RNF19B: variants seen among roughly 807,000 people sequenced by gnomAD.
RNF19B encodes E3 ubiquitin-protein ligase RNF19B.
Under a neutral mutation model 65.5 loss-of-function variants are expected in RNF19B, and 23 were observed. The ratio of observed to expected loss-of-function variants is 0.35; its 90% confidence interval spans 0.25 to 0.50. RNF19B has a LOEUF of 0.50. Ranked by LOEUF, RNF19B falls within the 20% of genes least tolerant of loss-of-function variation. The pLI, the probability that RNF19B is intolerant of heterozygous loss-of-function variation, is 0.98. For missense variants in RNF19B, 794 were observed against 980.0 expected, an observed-to-expected ratio of 0.81 and a Z score of 2.53; for synonymous variants, 372 against 379.6, an observed-to-expected ratio of 0.98 and a Z score of 0.23.
chr1:32,929,756 C>T, the RNF19B span, among the ~76,000 whole-genome samples: 4 of 152,134 alleles, frequency 2.6e-5, no homozygotes, highest in African/African-American at 9.7e-5. Context: ...TTTGCCAGAC[C>T]TGAAGATTTG....
At chr1:32,955,909 A>G (rs537507524) in intron 1 of RNF19B, among the ~76,000 whole-genome samples, 2 of 152,190 alleles carry the variant, frequency 1.3e-5, no homozygotes, top group Admixed American at 1.3e-4. Context: ...AGCTAAAAGA[A>G]AGGTGTAGAA....
Position 32,964,242 on chromosome 1 carries a change from G to A in RNF19B, c.444C>T (p.His148=). 1.3e-6 allele frequency: 2 copies of A among 1,545,638 alleles called. No individual in the cohort carries two copies. The highest frequency in any genetic ancestry group is 1.7e-6 in the Non-Finnish European group (2 of 1,145,398). ...PHRSCRDCLR[H]YLRLEISESR... ...TCTCGCTTATCTCCAGGCGCAGGTAGTGGCGGAGGCAGTCCCGGCACGAGC... is the reference window on the plus strand; with the variant it reads ...TCTCGCTTATCTCCAGGCGCAGGTAATGGCGGAGGCAGTCCCGGCACGAGC... The change falls in exon 1 of 9, where the codon CAC becomes CAT. Residue 148 remains histidine (H), a synonymous_variant. Transcript: ENST00000235150. The surrounding 1 kb of genome is among the most constrained non-coding windows in gnomAD (Gnocchi z 6.5).
At chr1:32,956,379 A>T (rs1642639097) in intron 1 of RNF19B, among the ~76,000 whole-genome samples, 1 of 151,432 alleles carries the variant, frequency 6.6e-6, no homozygotes, top group Non-Finnish European at 1.5e-5. Flanking sequence ...TCTCTCTTCA[A>T]ATAACAACAA....
chr1:32,933,285 C>T (rs1012117736), downstream of RNF19B, among the ~76,000 whole-genome samples: 7 of 151,122 alleles, frequency 4.6e-5, no homozygotes, highest in African/African-American at 1.7e-4. Context: ...GACGGAGTCT[C>T]GCTCTGTTGC....
Position 32,936,763 on chromosome 1 carries a change from C to T in RNF19B, c.*43G>A. On this transcript the variant is annotated 3_prime_UTR_variant, in exon 9 of 9. Transcript: ENST00000235150. ...AAAAAAAAAAAAATTCCAAAAGATG[C>T]AGTTACAAGTGTGCTTCTCAGAACA... The T allele has an allele frequency of 2.1e-6, 3 of 1,418,722 alleles. No homozygotes were observed. Among genetic ancestry groups the T allele is most frequent in the Non-Finnish European group, 2.8e-6 (3 of 1,075,272 alleles). 87.9% of individuals were successfully genotyped at this position (1,418,722 alleles called of 1,614,324 possible). A position where few individuals can be genotyped will look rare whatever the true frequency, so the allele number is the denominator to read the frequency against.
At chr1:32,929,390 G>A in the RNF19B span, among the ~76,000 whole-genome samples, 1 of 152,074 alleles carries the variant, frequency 6.6e-6, no homozygotes, top group Non-Finnish European at 1.5e-5. Flanking sequence ...AGGTACTAGG[G>A]GCTAGGACTT....
chr1:32,945,845 A>G (rs1367605796), intron 4 of RNF19B, among the ~76,000 whole-genome samples: 1 of 152,158 alleles, frequency 6.6e-6, no homozygotes, highest in East Asian at 1.9e-4. Flanking sequence ...AAATAACTCC[A>G]GCAGAATGAA....
Position 32,961,369 on chromosome 1 carries a change from G to A in RNF19B, c.635+2682C>T, listed in dbSNP as rs772223455. Among the ~76,000 whole-genome samples the A allele has an allele frequency of 9.9e-5, 15 of 152,162 alleles. 1 individual carries two copies. The highest frequency in any genetic ancestry group is 1.9e-4 in the Non-Finnish European group (13 of 68,034). On this transcript the variant is annotated intron_variant, in intron 1 of 8. Transcript: ENST00000235150. ...GACAAGCAAATGCTTTTTAAAACAG[G>A]GGCTGAATGGAAGGAATATTGGCAT...
At chr1:32,954,165 G>A (rs1319963520) in intron 1 of RNF19B, among the ~76,000 whole-genome samples, 2 of 150,926 alleles carry the variant, frequency 1.3e-5, no homozygotes, top group Non-Finnish European at 3.0e-5. Context: ...TCCTGCCTCA[G>A]CCTCCCAAAG....
downstream of RNF19B, among the ~76,000 whole-genome samples, chr1:32,932,332 T>C (rs1642037538): frequency 6.6e-6 from 1 of 152,186 alleles, no homozygotes; most frequent in African/African-American, 2.4e-5. Context: ...CTGATGGCTA[T>C]TAGAATGCAG....
chr1:32,944,134 T>G lies in RNF19B; in HGVS notation c.1287A>C (p.Ala429=), dbSNP rs749760828. ...SVGIGVPIML[A]YVYGVVPISL... Reference sequence around the variant, plus strand: ...AAATGGGCACAACCCCATAAACATATGCCAGCATAATGGGGACACCAATAC... The same window carrying G: ...AAATGGGCACAACCCCATAAACATAGGCCAGCATAATGGGGACACCAATAC... Residue 429 remains alanine, a synonymous_variant, in exon 6 of 9, where the codon GCA becomes GCC. Coordinates refer to ENST00000235150, the MANE Select transcript of RNF19B (RefSeq NM_001300826.2). 6.2e-7 allele frequency: 1 copy of G among 1,613,608 alleles called. No individual in the cohort carries two copies. The highest frequency in any genetic ancestry group is 8.5e-7 in the Non-Finnish European group (1 of 1,179,746).
intron 7 of RNF19B, among the ~76,000 whole-genome samples, chr1:32,941,343 G>C (rs960432162): frequency 2.0e-5 from 3 of 152,090 alleles, no homozygotes; most frequent in Non-Finnish European, 4.4e-5. Context: ...AGGAGCTTGA[G>C]ACCAGCCTGG....
intron 7 of RNF19B, among the ~76,000 whole-genome samples, chr1:32,939,934 G>A (rs370693364): frequency 6.6e-6 from 1 of 152,224 alleles, no homozygotes; most frequent in African/African-American, 2.4e-5. Flanking sequence ...ATGCCAGCAT[G>A]TGGGGGCGGG....
chr1:32,945,924 G>GCGAT (rs1266663101), intron 4 of RNF19B, among the ~76,000 whole-genome samples: 1 of 151,600 alleles, frequency 6.6e-6, no homozygotes, highest in East Asian at 1.9e-4. Flanking sequence ...GTGCAGTGGT[G>GCGAT]CGATCTTGGC....
intron 1 of RNF19B, among the ~76,000 whole-genome samples, chr1:32,951,959 T>A (rs1168957018): frequency 2.8e-5 from 2 of 71,302 alleles, no homozygotes; most frequent in East Asian, 4.9e-4. Flanking sequence ...CACGCCCGGC[T>A]TTTTTTTTTT....
Position 32,936,922 on chromosome 1 carries a change from A to AG in RNF19B, c.2079dup (p.Cys694LeufsTer67). On this transcript the variant is annotated frameshift_variant, in exon 9 of 9. Coordinates refer to ENST00000235150, the MANE Select transcript of RNF19B (RefSeq NM_001300826.2). LOFTEE classifies it high-confidence loss of function. Reference sequence around the variant, plus strand: ...CCTTGGGCTCTGGGGGTCGAGGGGCAGGCTGCAGTATGGGAGCGGGGGGAG... The same window carrying AG: ...CCTTGGGCTCTGGGGGTCGAGGGGCAGGGCTGCAGTATGGGAGCGGGGGGAG... 1 of 1,614,000 alleles carries AG rather than the reference A, an allele frequency of 6.2e-7. No homozygotes were observed. The highest frequency in any genetic ancestry group is 8.5e-7 in the Non-Finnish European group (1 of 1,179,994).
In RNF19B at chr1:32,964,779, C is replaced by A. The variant is rs1642870971; in HGVS notation, c.-94G>T. On this transcript the variant is annotated 5_prime_UTR_variant, in exon 1 of 9. Transcript: ENST00000235150. This position sits in a 1 kb window ranked among gnomAD's most constrained non-coding sequence, Gnocchi z 6.5. ...CAGCGCCCGGCCGCCGCCGACGCCG[C>A]CACCACCGCCTCAACCGCCCTCCCG... 4 of 1,169,152 alleles carry A rather than the reference C, an allele frequency of 3.4e-6. No homozygotes were observed. Among genetic ancestry groups the A allele is most frequent in the Non-Finnish European group, 4.4e-6 (4 of 915,290 alleles). 72.4% of individuals were successfully genotyped at this position (1,169,152 alleles called of 1,614,324 possible). A position where few individuals can be genotyped will look rare whatever the true frequency, so the allele number is the denominator to read the frequency against.
downstream of RNF19B, among the ~76,000 whole-genome samples, chr1:32,931,598 G>A (rs1436305160): frequency 1.3e-5 from 2 of 152,172 alleles, no homozygotes; most frequent in African/African-American, 2.4e-5. Context: ...GTAAAGCTAC[G>A]AATTCAACTT....
intron 1 of RNF19B, among the ~76,000 whole-genome samples, chr1:32,960,939 G>A (rs1329247693): frequency 6.6e-6 from 1 of 152,082 alleles, no homozygotes; most frequent in African/African-American, 2.4e-5. Context: ...CCTGAGCCCA[G>A]GAGATTGAGG....
Sources: allele counts gnomAD v4.1 joint callset (sites outside exome capture counted in the v4.1 genomes callset), GRCh38; gene constraint gnomAD v4.1.1; non-coding constraint Gnocchi (gnomAD v3.1); transcripts MANE v1.5; gene names NCBI Gene and HGNC (gene_info 2026-07-23, HGNC 2026-07-21).